Variants in MEGF11 observed in about 807,000 individuals in gnomAD.
MEGF11 encodes multiple EGF like domains 11, also known as multiple epidermal growth factor-like domains protein 11.
A neutral mutation model predicts 146.6 loss-of-function variants in MEGF11; 126 were observed. The ratio of observed to expected loss-of-function variants is 0.86; its 90% CI spans 0.74 to 1.00. The LOEUF is 1.00. Among genes scored for constraint, MEGF11 ranks in the 50% least tolerant of loss-of-function variants. The pLI is 0.00. For synonymous variants in MEGF11, 532 were observed against 583.4 expected, an observed-to-expected ratio of 0.91 and a Z score of 1.27; for missense variants, 1,509 against 1,521.2, an observed-to-expected ratio of 0.99 and a Z score of 0.13.
intron 10 of MEGF11, among the ~76,000 whole-genome samples, chr15:65,951,181 C>T (rs2080389025): frequency 6.6e-6 from 1 of 152,080 alleles, no homozygotes; most frequent in Non-Finnish European, 1.5e-5. Flanking sequence ...GAGGAGTATT[C>T]AGGGAAGGCT....
intron 1 of MEGF11, among the ~76,000 whole-genome samples, chr15:66,186,471 A>C (rs2090707028): frequency 6.6e-6 from 1 of 152,158 alleles, no homozygotes; most frequent in African/African-American, 2.4e-5. Context: ...GAGGGCTTAG[A>C]GCTCACCCAA....
intron 5 of MEGF11, among the ~76,000 whole-genome samples, chr15:65,989,608 A>G (rs915988470): frequency 2.0e-5 from 3 of 152,240 alleles, no homozygotes; most frequent in African/African-American, 7.2e-5. Context: ...CCATTTGTCA[A>G]CTGACTTGCC....
At chr15:66,188,629 C>T (rs1158091903) in intron 1 of MEGF11, among the ~76,000 whole-genome samples, 1 of 152,162 alleles carries the variant, frequency 6.6e-6, no homozygotes, top group Non-Finnish European at 1.5e-5. Flanking sequence ...TGCCTGAGGC[C>T]CTGCAGCTGG....
intron 5 of MEGF11, among the ~76,000 whole-genome samples, chr15:65,987,696 CTTCT>C (rs1432043727): frequency 6.6e-6 from 1 of 151,916 alleles, no homozygotes; most frequent in East Asian, 1.9e-4. Context: ...AACCTTTAAG[CTTCT>C]TTCTTTCTAT....
intron 5 of MEGF11, among the ~76,000 whole-genome samples, chr15:66,040,016 G>A (rs2083900531): frequency 6.6e-6 from 1 of 151,660 alleles, no homozygotes; most frequent in African/African-American, 2.4e-5. Context: ...TGGGGTGACG[G>A]TCAGCCTTCT....
intron 7 of MEGF11, among the ~76,000 whole-genome samples, chr15:65,976,442 G>T (rs898576377): frequency 1.3e-5 from 2 of 152,110 alleles, no homozygotes; most frequent in Non-Finnish European, 2.9e-5. Context: ...GAGGTCATAT[G>T]GGGGGGCTCT....
intron 5 of MEGF11, among the ~76,000 whole-genome samples, chr15:66,032,917 T>TA (rs763085483): frequency 3.2e-4 from 48 of 151,814 alleles, no homozygotes; most frequent in Non-Finnish European, 5.3e-4. Flanking sequence ...CCATCTCTAC[T>TA]AAAAATACAA....
chr15:66,236,736 A>T (rs571807582), intron 1 of MEGF11, among the ~76,000 whole-genome samples: 1 of 152,112 alleles, frequency 6.6e-6, no homozygotes, highest in East Asian at 1.9e-4. Flanking sequence ...GTTTGCAGGC[A>T]GCTTCCTGTC....
chr15:66,178,294 C>A (rs2090446453), intron 1 of MEGF11, among the ~76,000 whole-genome samples: 2 of 152,208 alleles, frequency 1.3e-5, no homozygotes. Context: ...CTCTTCACTA[C>A]CCTTTTGAGG....
intron 1 of MEGF11, among the ~76,000 whole-genome samples, chr15:66,170,353 G>A (rs1318929493): frequency 1.3e-5 from 2 of 152,188 alleles, no homozygotes; most frequent in African/African-American, 2.4e-5. Context: ...TGGGTAGGGT[G>A]GGGGAACTGT....
chr15:66,235,227 G>A (rs921363023), intron 1 of MEGF11, among the ~76,000 whole-genome samples: 9 of 152,184 alleles, frequency 5.9e-5, no homozygotes, highest in African/African-American at 1.7e-4. Flanking sequence ...ATATAGCAGG[G>A]CAAGGTGGCT....
chr15:66,183,304 A>T (rs1400135962), intron 1 of MEGF11, among the ~76,000 whole-genome samples: 1 of 152,158 alleles, frequency 6.6e-6, no homozygotes, highest in African/African-American at 2.4e-5. Flanking sequence ...GTTCGAGACC[A>T]ACCTGGCCAA....
chr15:66,048,906 C>A (rs1482964293), intron 5 of MEGF11, among the ~76,000 whole-genome samples: 2 of 152,202 alleles, frequency 1.3e-5, no homozygotes, highest in African/African-American at 4.8e-5. Context: ...TTGGGAAGGG[C>A]ACGCTTTCTA....
chr15:65,915,014 C>T (rs1338738590), intron 19 of MEGF11, among the ~76,000 whole-genome samples: 1 of 152,200 alleles, frequency 6.6e-6, no homozygotes, highest in Non-Finnish European at 1.5e-5. Context: ...GTGCTAGAAC[C>T]AAGGTTGAGC....
chr15:66,021,515 A>C (rs2140176141), intron 5 of MEGF11, among the ~76,000 whole-genome samples: 1 of 152,368 alleles, frequency 6.6e-6, no homozygotes. Context: ...CTGAAGGTGA[A>C]GTCTGAAATA....
intron 4 of MEGF11, among the ~76,000 whole-genome samples, chr15:66,097,752 C>CAAAAAA (rs59635353): frequency 1.4e-5 from 2 of 138,974 alleles, no homozygotes; most frequent in Admixed American, 7.2e-5. Flanking sequence ...CAAAAAACTA[C>CAAAAAA]AAAAAAAAAA....
chr15:65,984,269 T>A (rs754881629), intron 5 of MEGF11, among the ~76,000 whole-genome samples: 6 of 152,158 alleles, frequency 3.9e-5, no homozygotes, highest in Non-Finnish European at 4.4e-5. Context: ...CTCATACCTG[T>A]AATCCTAGCA....
chr15:66,075,488 A>G (rs189204027), intron 5 of MEGF11, among the ~76,000 whole-genome samples: 1 of 152,348 alleles, frequency 6.6e-6, no homozygotes, highest in Non-Finnish European at 1.5e-5. Flanking sequence ...ACTCATGTCC[A>G]GTGTTCCAGA....
intron 1 of MEGF11, among the ~76,000 whole-genome samples, chr15:66,220,209 CTGTG>C (rs2091697242): frequency 7.2e-5 from 11 of 152,106 alleles, no homozygotes; most frequent in Admixed American, 7.2e-4. Flanking sequence ...ACCTCTAGAA[CTGTG>C]GGAAAACAAA....
Sources: gnomAD v4.1 joint callset for allele counts (sites outside exome capture counted in the v4.1 genomes callset) on GRCh38, gnomAD v4.1.1 for gene constraint, MANE v1.5 for transcripts, NCBI Gene and HGNC (gene_info 2026-07-23, HGNC 2026-07-21) for gene names.